Variants in CNTNAP4 observed in about 807,000 individuals in gnomAD.
The protein encoded by CNTNAP4 is contactin associated protein family member 4, also known as contactin-associated protein-like 4.
Under a neutral mutation model 148.4 loss-of-function variants are expected in CNTNAP4, and 98 were observed. The observed-to-expected ratio is 0.66, with a 90% CI of 0.56 to 0.78. CNTNAP4 has a LOEUF of 0.78. Ranked by LOEUF, CNTNAP4 falls within the 30% of genes least tolerant of loss-of-function variation. The pLI, the probability that CNTNAP4 is intolerant of heterozygous loss-of-function variation, is 0.00. For synonymous variants in CNTNAP4, 730 were observed against 565.1 expected (o/e 1.29, Z -4.14); for missense variants, 1,935 against 1,565.6 (o/e 1.24, Z -3.98).
intron 21 of CNTNAP4, among the ~76,000 whole-genome samples, chr16:76,542,982 A>G (rs2084529361): frequency 1.3e-5 from 2 of 152,252 alleles, no homozygotes; most frequent in Non-Finnish European, 2.9e-5. Flanking sequence ...TGTATTAACC[A>G]AACAGTAGAA....
intron 3 of CNTNAP4, among the ~76,000 whole-genome samples, chr16:76,364,240 A>AAAAG (rs2013825153): frequency 6.8e-6 from 1 of 146,158 alleles, no homozygotes; most frequent in South Asian, 2.2e-4. Context: ...TCTCAAAAAA[A>AAAAG]AAAAAAAAAA....
intron 3 of CNTNAP4, among the ~76,000 whole-genome samples, chr16:76,384,869 A>G (rs2016355614): frequency 6.6e-6 from 1 of 152,232 alleles, no homozygotes; most frequent in Non-Finnish European, 1.5e-5. Flanking sequence ...AGGTAAAATT[A>G]GAAAGTAAGA....
chr16:76,315,103 G>A (rs1467451466), intron 1 of CNTNAP4, among the ~76,000 whole-genome samples: 2 of 151,974 alleles, frequency 1.3e-5, no homozygotes, highest in Admixed American at 1.3e-4. Context: ...TTACTGGCGT[G>A]TATTATACTG....
Position 76,535,746 on chromosome 16 carries a change from G to T in CNTNAP4, c.2957G>T (p.Cys986Phe). ...AGACCCATTGGGTTCTTTTGTGACT[G>T]CACTTTCTCTGCATACACAGGGCCA... ...RERPIGFFCDCTFSAYTGPFC... is the reference protein window; with the variant it reads ...RERPIGFFCDFTFSAYTGPFC... Residue 986 changes from cysteine to phenylalanine, a missense_variant, in exon 18 of 24, where the codon TGC becomes TTC. Coordinates refer to ENST00000611870, the MANE Select transcript of CNTNAP4 (RefSeq NM_033401.5). The T allele has an allele frequency of 1.2e-6, 2 of 1,613,878 alleles. No homozygotes were observed. The highest frequency in any genetic ancestry group is 1.7e-6 in the Non-Finnish European group (2 of 1,179,844).
At chr16:76,536,320 C>G (rs1257481277) in intron 18 of CNTNAP4, among the ~76,000 whole-genome samples, 1 of 152,036 alleles carries the variant, frequency 6.6e-6, no homozygotes, top group Non-Finnish European at 1.5e-5. Context: ...CTCCGCCTCC[C>G]GAGTAGCTGG....
Position 76,489,764 on chromosome 16 carries a change from C to G in CNTNAP4, c.1961C>G (p.Ala654Gly). 6.2e-7 allele frequency: 1 copy of G among 1,604,282 alleles called. No individual in the cohort carries two copies. The highest frequency in any genetic ancestry group is 1.7e-4 in the Middle Eastern group (1 of 6,050). The change falls in exon 13 of 24, where the codon GCT becomes GGT. Residue 654 changes from alanine to glycine, a missense_variant. Ala to Gly is a moderately conservative substitution (Grantham distance 60, BLOSUM62 0). Transcript: ENST00000611870. ...AATACTAATCCAGAGAACCCATATG[C>G]TGGGTTTTTCGAGTATGTGGCCAGC... The part of the protein sequence containing the change: ...VRNTNPENPY[A>G]GFFEYVASME...
intron 4 of CNTNAP4, among the ~76,000 whole-genome samples, chr16:76,429,778 A>G (rs755948498): frequency 3.9e-5 from 6 of 152,120 alleles, no homozygotes; most frequent in Non-Finnish European, 8.8e-5. Context: ...TTTTGTTGCA[A>G]CTTCATTTGC....
At chr16:76,374,150 A>G (rs2015167438) in intron 3 of CNTNAP4, among the ~76,000 whole-genome samples, 1 of 152,158 alleles carries the variant, frequency 6.6e-6, no homozygotes, top group African/African-American at 2.4e-5. Flanking sequence ...GTACCTAATA[A>G]TAGGATTCTT....
chr16:76,321,718 G>A (rs1962432940), intron 2 of CNTNAP4, among the ~76,000 whole-genome samples: 1 of 149,104 alleles, frequency 6.7e-6, no homozygotes, highest in African/African-American at 2.5e-5. Flanking sequence ...GAACCCGGGA[G>A]GTGGAGGTTG....
chr16:76,511,128 T>C (rs1484373281), intron 15 of CNTNAP4, among the ~76,000 whole-genome samples: 1 of 152,220 alleles, frequency 6.6e-6, no homozygotes, highest in Non-Finnish European at 1.5e-5. Flanking sequence ...TCTCTCTATC[T>C]GAGCAAGGCA....
At chr16:76,295,056 T>G (rs1457991210) in intron 1 of CNTNAP4, among the ~76,000 whole-genome samples, 1 of 152,202 alleles carries the variant, frequency 6.6e-6, no homozygotes, top group Non-Finnish European at 1.5e-5. Flanking sequence ...AAAGCTCAGC[T>G]TTGCCACTTC....
chr16:76,382,691 A>G (rs756041409), intron 3 of CNTNAP4, among the ~76,000 whole-genome samples: 4 of 152,194 alleles, frequency 2.6e-5, no homozygotes, highest in Non-Finnish European at 4.4e-5. Flanking sequence ...AACCATGACT[A>G]TGTTTATCAA....
At chr16:76,528,138 A>T (rs1227027001) in intron 17 of CNTNAP4, among the ~76,000 whole-genome samples, 2 of 152,226 alleles carry the variant, frequency 1.3e-5, no homozygotes, top group Non-Finnish European at 2.9e-5. Flanking sequence ...TGTGCTTAAC[A>T]CTTTACCTGC....
chr16:76,370,433 G>C (rs1002708213), intron 3 of CNTNAP4, among the ~76,000 whole-genome samples: 1 of 152,136 alleles, frequency 6.6e-6, no homozygotes, highest in African/African-American at 2.4e-5. Flanking sequence ...TTGGGGGCTG[G>C]AGCCTTGTAA....
intron 16 of CNTNAP4, 69 bp from the exon 17 acceptor site, chr16:76,521,970 A>G (rs1309941781): frequency 9.6e-6 from 13 of 1,349,072 alleles, no homozygotes; most frequent in Middle Eastern, 3.6e-4. Flanking sequence ...TGTGTTCCTA[A>G]GTATATTGGA....
Position 76,559,771 on chromosome 16 carries a change from C to T in CNTNAP4, c.*1088C>T, listed in dbSNP as rs534701088. ...TAGAGCCCCATTTCCCATTCTGAAA[C>T]ATATACCCCTTTAGGTGTACATTTT... On this transcript the variant is annotated 3_prime_UTR_variant, in exon 24 of 24. Coordinates refer to ENST00000611870, the MANE Select transcript of CNTNAP4 (RefSeq NM_033401.5). Among the ~76,000 whole-genome samples, 14 of 152,188 alleles carry T rather than the reference C, an allele frequency of 9.2e-5. No individual in the cohort carries two copies. The highest frequency in any genetic ancestry group is 2.6e-4 in the African/African-American group (11 of 41,534).
At chr16:76,524,108 C>A (rs2083606994) in intron 17 of CNTNAP4, among the ~76,000 whole-genome samples, 1 of 152,004 alleles carries the variant, frequency 6.6e-6, no homozygotes, top group Non-Finnish European at 1.5e-5. Context: ...TTTGGGATTT[C>A]CAATATATTT....
intron 12 of CNTNAP4, among the ~76,000 whole-genome samples, chr16:76,485,109 C>G (rs918265517): frequency 5.9e-5 from 9 of 151,964 alleles, no homozygotes; most frequent in African/African-American, 2.2e-4. Context: ...ATTGCTTTTT[C>G]TTTTCTTTTC....
chr16:76,452,651 G>T lies in CNTNAP4; in HGVS notation c.1215G>T (p.Gly405=). 1.2e-6 allele frequency: 2 copies of T among 1,613,980 alleles called. No homozygotes were observed. Among genetic ancestry groups the T allele is most frequent in the Non-Finnish European group, 1.7e-6 (2 of 1,179,876 alleles). Residue 405 remains glycine (G), a synonymous_variant, in exon 8 of 24, where the codon GGG becomes GGT. Transcript: ENST00000611870. ...TFQFRTWNKA[G]LLLFSELQLI... is the part of the protein sequence containing the mutation. ...AATTTCGAACTTGGAATAAGGCAGG[G>T]CTTCTGCTGTTCAGTGAACTTCAGC...
Sources: allele counts gnomAD v4.1 joint callset (sites outside exome capture counted in the v4.1 genomes callset), GRCh38; gene constraint gnomAD v4.1.1; transcripts MANE v1.5; gene names NCBI Gene and HGNC (gene_info 2026-07-23, HGNC 2026-07-21).